DEPTOR: variants seen among roughly 807,000 people sequenced by gnomAD.
DEPTOR encodes the protein DEP domain containing MTOR interacting protein, also known as DEP domain-containing mTOR-interacting protein.
In DEPTOR, 41 loss-of-function variants were observed where a neutral mutation model predicts 41.6. That is an observed-to-expected ratio of 0.98 (90% CI 0.77 to 1.28). The LOEUF (loss-of-function observed/expected upper bound fraction) is 1.28. Among genes scored for constraint, DEPTOR ranks in the 50% most tolerant of loss-of-function variants. DEPTOR has a pLI of 0.00. For missense variants in DEPTOR, 514 were observed against 527.9 expected (o/e 0.97, Z 0.26); for synonymous variants, 195 against 192.3 (o/e 1.01, Z -0.12).
intron 4 of DEPTOR, among the ~76,000 whole-genome samples, chr8:119,999,268 G>T (rs1812313179): frequency 1.4e-5 from 2 of 146,772 alleles, no homozygotes; most frequent in Non-Finnish European, 3.0e-5. Context: ...GTGAAATTCT[G>T]TCTCAAAAAA....
intron 4 of DEPTOR, among the ~76,000 whole-genome samples, chr8:119,986,047 T>C (rs960698611): frequency 3.3e-5 from 5 of 152,076 alleles, no homozygotes; most frequent in African/African-American, 1.2e-4. Context: ...AATATTGTTA[T>C]GTGTGAATTT....
chr8:119,928,086 G>A (rs1017025277), intron 1 of DEPTOR, among the ~76,000 whole-genome samples: 1 of 152,112 alleles, frequency 6.6e-6, no homozygotes, highest in East Asian at 1.9e-4. Flanking sequence ...TAACCCCACT[G>A]GAGAGAGAAA....
At chr8:119,898,522 A>G (rs1054421548) in intron 1 of DEPTOR, among the ~76,000 whole-genome samples, 3 of 152,052 alleles carry the variant, frequency 2.0e-5, no homozygotes, top group African/African-American at 7.2e-5. Context: ...TCAGGAGTTC[A>G]AGACCAGCCT....
intron 3 of DEPTOR, among the ~76,000 whole-genome samples, chr8:119,940,284 T>C (rs772982772): frequency 3.9e-5 from 6 of 152,010 alleles, no homozygotes; most frequent in African/African-American, 1.4e-4. Context: ...CTTTTGGGTA[T>C]GTACCCAAAA....
chr8:119,921,373 G>A (rs999031153), intron 1 of DEPTOR, among the ~76,000 whole-genome samples: 10 of 152,142 alleles, frequency 6.6e-5, no homozygotes, highest in Non-Finnish European at 1.5e-4. Context: ...CGTGTGCAGT[G>A]TGAAAATTTT....
chr8:119,988,260 G>A (rs1828854744), intron 4 of DEPTOR, among the ~76,000 whole-genome samples: 1 of 152,186 alleles, frequency 6.6e-6, no homozygotes, highest in African/African-American at 2.4e-5. Context: ...GTTGGCTAAG[G>A]AAGGGAGTTC....
chr8:119,941,417 A>G (rs1455685760), intron 3 of DEPTOR, among the ~76,000 whole-genome samples: 1 of 148,282 alleles, frequency 6.7e-6, no homozygotes, highest in Non-Finnish European at 1.5e-5. Flanking sequence ...GGTAAATTTT[A>G]TGTTGTGTAT....
At chr8:119,927,570 C>CAT (rs959410910) in intron 1 of DEPTOR, among the ~76,000 whole-genome samples, 16 of 146,868 alleles carry the variant, frequency 1.1e-4, no homozygotes, top group East Asian at 9.8e-4. Context: ...CACATATATA[C>CAT]ATATATATAT....
At chr8:120,015,382 T>C (rs1329012283) in intron 8 of DEPTOR, among the ~76,000 whole-genome samples, 2 of 152,176 alleles carry the variant, frequency 1.3e-5, no homozygotes, top group Admixed American at 1.3e-4. Context: ...CATATCACCA[T>C]GTGGTCTTAG....
intron 4 of DEPTOR, among the ~76,000 whole-genome samples, chr8:119,997,909 C>G (rs1055798742): frequency 2.0e-5 from 3 of 152,190 alleles, no homozygotes; most frequent in Admixed American, 1.3e-4. Context: ...TTTTTATTAT[C>G]TAGATTATTT....
chr8:119,962,949 A>G (rs1828511726), intron 3 of DEPTOR, among the ~76,000 whole-genome samples: 1 of 152,158 alleles, frequency 6.6e-6, no homozygotes, highest in Admixed American at 6.5e-5. Flanking sequence ...TGGACAATGT[A>G]AGCATTGACT....
In DEPTOR at chr8:120,001,723, G is replaced by T; in HGVS notation, c.790+13G>T. ...AGCTTTATGTCAGGTATGCCATCCCGGCATTTATTGGAGCTCAAGTGTTTG... is the reference window on the plus strand; with the variant it reads ...AGCTTTATGTCAGGTATGCCATCCCTGCATTTATTGGAGCTCAAGTGTTTG... On this transcript the variant is annotated intron_variant, in intron 5 of 8. Transcript: ENST00000286234. 6.2e-7 allele frequency: 1 copy of T among 1,602,638 alleles called. No homozygotes were observed. The highest frequency in any genetic ancestry group is 8.5e-7 in the Non-Finnish European group (1 of 1,172,924).
intron 8 of DEPTOR, among the ~76,000 whole-genome samples, chr8:120,038,603 A>G (rs4871826): frequency 0.22 from 32,529 of 149,862 alleles, 5,458 homozygotes; most frequent in African/African-American, 0.46. Context: ...AAAAAAAAAA[A>G]AAAAAAGAAA....
At chr8:119,925,850 C>T (rs1827957254) in intron 1 of DEPTOR, among the ~76,000 whole-genome samples, 1 of 152,178 alleles carries the variant, frequency 6.6e-6, no homozygotes, top group African/African-American at 2.4e-5. Flanking sequence ...GTCTCGAGCT[C>T]CCGACCTCAA....
chr8:119,951,736 C>T (rs911685667), intron 3 of DEPTOR, among the ~76,000 whole-genome samples: 16 of 152,102 alleles, frequency 1.1e-4, no homozygotes, highest in Non-Finnish European at 2.4e-4. Flanking sequence ...TAATGTATAC[C>T]TCCTCCCTGG....
intron 3 of DEPTOR, among the ~76,000 whole-genome samples, chr8:119,951,397 C>T (rs1828352112): frequency 6.6e-6 from 1 of 152,074 alleles, no homozygotes; most frequent in African/African-American, 2.4e-5. Context: ...GGTGATGAAA[C>T]CATAGTTGAA....
At chr8:119,983,588 TG>T (rs897480155) in intron 4 of DEPTOR, among the ~76,000 whole-genome samples, 1 of 152,168 alleles carries the variant, frequency 6.6e-6, no homozygotes, top group African/African-American at 2.4e-5. Flanking sequence ...TTCACCATGT[TG>T]GCCAGGCTGC....
chr8:119,892,145 C>T (rs908011979), intron 1 of DEPTOR, among the ~76,000 whole-genome samples: 3 of 152,134 alleles, frequency 2.0e-5, no homozygotes, highest in Non-Finnish European at 4.4e-5. Flanking sequence ...ACTACAGGCA[C>T]GTGCCACCAC....
At chr8:120,044,027 A>G (rs147210011) in intron 8 of DEPTOR, among the ~76,000 whole-genome samples, 1,923 of 151,002 alleles carry the variant, frequency 0.013, 38 homozygotes, top group African/African-American at 0.044. Context: ...AAGAGATTGC[A>G]TTGGGGATGG....
Sources: allele counts gnomAD v4.1 joint callset (sites outside exome capture counted in the v4.1 genomes callset), GRCh38; gene constraint gnomAD v4.1.1; transcripts MANE v1.5; gene names NCBI Gene and HGNC (gene_info 2026-07-23, HGNC 2026-07-21).